Variants in HLCS observed in about 807,000 individuals in gnomAD.
HLCS encodes the protein holocarboxylase synthetase, also known as biotin--protein ligase.
In HLCS, 53 loss-of-function variants were observed where a neutral mutation model predicts 75.0. The observed-to-expected ratio is 0.71, with a 90% CI of 0.57 to 0.89. The LOEUF (loss-of-function observed/expected upper bound fraction) is 0.89, where lower values mean the gene tolerates loss of function less well. Among genes scored for constraint, HLCS ranks in the 40% least tolerant of loss-of-function variants. The pLI is 0.00. For synonymous variants in HLCS, 431 were observed against 428.6 expected (o/e 1.01, Z -0.07); for missense variants, 966 against 1,074.0 (o/e 0.90, Z 1.41).
chr21:36,888,442 AAAAATAT>A (rs1485122439), intron 6 of HLCS, among the ~76,000 whole-genome samples: 36 of 31,474 alleles, frequency 1.1e-3, no homozygotes, highest in African/African-American at 2.5e-3. Flanking sequence ...TAAAAAAAAA[AAAAATAT>A]ATATATATAT....
intron 6 of HLCS, among the ~76,000 whole-genome samples, chr21:36,795,704 T>G (rs2061006443): frequency 6.6e-6 from 1 of 152,152 alleles, no homozygotes; most frequent in East Asian, 1.9e-4. Flanking sequence ...CCTTAGGGAG[T>G]AAGTTATTAC....
intron 5 of HLCS, among the ~76,000 whole-genome samples, chr21:36,925,650 G>A (rs1443989710): frequency 6.6e-6 from 1 of 152,172 alleles, no homozygotes; most frequent in Non-Finnish European, 1.5e-5. Context: ...TGGAGGGTGG[G>A]GGGCTGGCTC....
At chr21:36,772,080 T>C (rs1030023452) in intron 6 of HLCS, among the ~76,000 whole-genome samples, 7 of 152,034 alleles carry the variant, frequency 4.6e-5, no homozygotes, top group Non-Finnish European at 1.0e-4. Context: ...TTGAAAAATA[T>C]AGAAAAATAT....
chr21:36,875,857 G>T (rs1049446013), intron 6 of HLCS, among the ~76,000 whole-genome samples: 2 of 152,172 alleles, frequency 1.3e-5, no homozygotes, highest in African/African-American at 4.8e-5. Context: ...GCAGCTCTTC[G>T]GGGAGCCAGA....
intron 6 of HLCS, among the ~76,000 whole-genome samples, chr21:36,884,115 T>G (rs1022662727): frequency 6.6e-6 from 1 of 152,192 alleles, no homozygotes; most frequent in Non-Finnish European, 1.5e-5. Flanking sequence ...TAAACTAACT[T>G]ACCTAGATCA....
At chr21:36,929,262 C>A (rs559339977) in intron 5 of HLCS, among the ~76,000 whole-genome samples, 16 of 152,218 alleles carry the variant, frequency 1.1e-4, no homozygotes, top group Non-Finnish European at 2.1e-4. Flanking sequence ...CCGGACTTCC[C>A]CAGCTGGGAG....
chr21:36,905,804 C>A (rs1268221524), intron 5 of HLCS, among the ~76,000 whole-genome samples: 1 of 152,072 alleles, frequency 6.6e-6, no homozygotes, highest in Non-Finnish European at 1.5e-5. Context: ...GTAATCCCAG[C>A]CCTTTGGGAG....
chr21:36,807,759 C>T (rs2061402573), intron 6 of HLCS, among the ~76,000 whole-genome samples: 1 of 152,186 alleles, frequency 6.6e-6, no homozygotes. Context: ...GTGGGAGTCC[C>T]TGTGGTCTGG....
At chr21:36,783,268 C>T in intron 6 of HLCS, among the ~76,000 whole-genome samples, 1 of 152,096 alleles carries the variant, frequency 6.6e-6, no homozygotes, top group Non-Finnish European at 1.5e-5. Context: ...CCTCTGAATC[C>T]CAACCTCCAG....
chr21:36,900,676 A>T (rs2065201658), intron 5 of HLCS, among the ~76,000 whole-genome samples: 1 of 152,178 alleles, frequency 6.6e-6, no homozygotes, highest in Admixed American at 6.5e-5. Flanking sequence ...AACTAGTTAT[A>T]AAGTCACCTA....
intron 6 of HLCS, among the ~76,000 whole-genome samples, chr21:36,863,181 C>G (rs2063441517): frequency 6.6e-6 from 1 of 152,008 alleles, no homozygotes; most frequent in African/African-American, 2.4e-5. Context: ...AAACAGTAAT[C>G]CTGCTTTCTG....
intron 5 of HLCS, among the ~76,000 whole-genome samples, chr21:36,914,504 C>G (rs2065846325): frequency 6.6e-6 from 1 of 152,222 alleles, no homozygotes; most frequent in Non-Finnish European, 1.5e-5. Context: ...AGCTCAGGCT[C>G]AGACGCTGAA....
chr21:36,952,789 C>CAAAAA (rs35700333), intron 2 of HLCS, among the ~76,000 whole-genome samples: 6 of 48,832 alleles, frequency 1.2e-4, no homozygotes, highest in Non-Finnish European at 1.7e-4. Flanking sequence ...GACTCCGTCT[C>CAAAAA]AAAAAAAAAA....
chr21:36,934,704 C>T (rs988301239), intron 4 of HLCS, among the ~76,000 whole-genome samples: 3 of 152,176 alleles, frequency 2.0e-5, no homozygotes, highest in Non-Finnish European at 4.4e-5. Context: ...CCTTGAAATA[C>T]TTTACCTCCT....
intron 6 of HLCS, among the ~76,000 whole-genome samples, chr21:36,858,545 A>T (rs1449522791): frequency 6.6e-6 from 1 of 152,254 alleles, no homozygotes; most frequent in African/African-American, 2.4e-5. Flanking sequence ...GTGTCATCCA[A>T]GTTCCAGGGA....
rs73389853 is a variant in HLCS at position 36,976,394 on chromosome 21, A to T, written c.-393+13764T>A. ...CATTACTGTTTTAAGGAAGTCAGTC[A>T]CACACACACACACACGCATACACAC... On this transcript the variant is annotated intron_variant, in intron 1 of 11. Coordinates refer to the HLCS transcript ENST00000336648. 8.5e-3 allele frequency among the ~76,000 whole-genome samples: 1,114 copies of T among 131,248 alleles called. 14 individuals are homozygous for T. The highest frequency in any genetic ancestry group is 0.031 in the African/African-American group (1,072 of 34,208). 86.1% of individuals were successfully genotyped at this position (131,248 alleles called of 152,430 possible). A position where few individuals can be genotyped will look rare whatever the true frequency, so the allele number is the denominator to read the frequency against.
intron 6 of HLCS, among the ~76,000 whole-genome samples, chr21:36,829,626 G>T (rs1447792911): frequency 2.0e-5 from 3 of 152,012 alleles, no homozygotes; most frequent in African/African-American, 7.3e-5. Flanking sequence ...TTCTCAATGG[G>T]TTCACGGTGC....
At chr21:36,966,713 GAA>G (rs2068614477), upstream of HLCS, 1 of 748,172 alleles carries the variant, frequency 1.3e-6, no homozygotes, top group African/African-American at 1.9e-5. Flanking sequence ...GCCCCGGCCG[GAA>G]GGGCCGCGCC....
At chr21:36,907,295 A>G (rs2065501304) in intron 5 of HLCS, among the ~76,000 whole-genome samples, 1 of 152,218 alleles carries the variant, frequency 6.6e-6, no homozygotes, top group Non-Finnish European at 1.5e-5. Context: ...AGCATGAACC[A>G]TAAAAGGAAA....
Sources: allele counts gnomAD v4.1 joint callset (sites outside exome capture counted in the v4.1 genomes callset), GRCh38; gene constraint gnomAD v4.1.1; transcripts MANE v1.5; gene names NCBI Gene and HGNC (gene_info 2026-07-23, HGNC 2026-07-21).